LRRC53: variants seen among roughly 807,000 people sequenced by gnomAD.
The protein encoded by LRRC53 is leucine rich repeat containing 53.
LRRC53 carries 25 observed loss-of-function variants against 13.6 expected under a neutral mutation model. That is an observed-to-expected ratio of 1.83 (90% confidence interval 1.34 to 2.56). The LOEUF (loss-of-function observed/expected upper bound fraction) is 2.56, where lower values mean the gene tolerates loss of function less well. Among genes scored for constraint, LRRC53 ranks in the 30% most tolerant of loss-of-function variants. The pLI, the probability that LRRC53 is intolerant of heterozygous loss-of-function variation, is 0.00. For missense variants in LRRC53, 527 were observed against 275.8 expected (o/e 1.91, Z -6.45); for synonymous variants, 204 against 109.8 (o/e 1.86, Z -5.37).
chr1:74,499,882 G>T (rs1669519954), intron 1 of LRRC53, among the ~76,000 whole-genome samples: 1 of 151,992 alleles, frequency 6.6e-6, no homozygotes, highest in Non-Finnish European at 1.5e-5. Context: ...GTGATAAATA[G>T]TTACATCCAT....
At position 74,480,523 on chromosome 1, in the gene LRRC53, C is replaced by A. The variant is rs762541214; in HGVS notation, c.534G>T (p.Arg178=). 1 of 717,502 alleles carries A rather than the reference C, an allele frequency of 1.4e-6. No homozygotes were observed. Among genetic ancestry groups the A allele is most frequent in the Non-Finnish European group, 2.6e-6 (1 of 385,106 alleles). 44.4% of individuals were successfully genotyped at this position (717,502 alleles called of 1,614,324 possible). Residue 178 remains arginine (R), a synonymous_variant, in exon 3 of 5, where the codon CGG becomes CGT. Coordinates refer to ENST00000294635, the MANE Select transcript of LRRC53 (RefSeq NM_001382280.1). ...CCACTTCCTGTAGTTGAGGCAGGGGCCGGAAGGCATCTTTCCCAATGTAGG... is the reference window on the plus strand; with the variant it reads ...CCACTTCCTGTAGTTGAGGCAGGGGACGGAAGGCATCTTTCCCAATGTAGG... The part of the protein sequence containing the change: ...FISYIGKDAF[R]PLPQLQEVDL...
chr1:74,532,608 A>G, the LRRC53 span, among the ~76,000 whole-genome samples: 4 of 151,764 alleles, frequency 2.6e-5, no homozygotes, highest in Admixed American at 2.6e-4. Flanking sequence ...TATATCTCCT[A>G]ATGCTATCCC....
intron 1 of LRRC53, among the ~76,000 whole-genome samples, chr1:74,511,417 C>T (rs1280429320): frequency 5.9e-5 from 9 of 152,070 alleles, no homozygotes; most frequent in African/African-American, 1.2e-4. Flanking sequence ...CTCCTGGTCT[C>T]GAACTCCTGA....
At chr1:74,512,017 G>GGCAGCTTTCCTTCAT (rs1670252968) in intron 1 of LRRC53, among the ~76,000 whole-genome samples, 1 of 152,064 alleles carries the variant, frequency 6.6e-6, no homozygotes, top group Admixed American at 6.5e-5. Flanking sequence ...GAAGGAAGAG[G>GGCAGCTTTCCTTCAT]GCAGCTTTCC....
At chr1:74,489,246 G>A in intron 1 of LRRC53, 1 of 1,611,004 alleles carries the variant, frequency 6.2e-7, no homozygotes, top group Non-Finnish European at 8.5e-7. Flanking sequence ...CTGCAACATT[G>A]AGGTAAAAGC....
rs545995547 is a variant in LRRC53 at position 74,497,261 on chromosome 1, T to C, written c.-26-13886A>G. ...AGGGGACCGTGTCCATTTGCTTCAG[T>C]ATAGCAGATGTTTACCAGATAACAG... On this transcript the variant is annotated intron_variant, in intron 1 of 4. Coordinates refer to ENST00000294635, the MANE Select transcript of LRRC53 (RefSeq NM_001382280.1). Among the ~76,000 whole-genome samples the C allele has an allele frequency of 2.6e-5, 4 of 152,170 alleles. No homozygotes were observed. In the South Asian group the frequency reaches 8.3e-4, roughly 32 times the overall value.
At chr1:74,502,711 C>T (rs950919207) in intron 1 of LRRC53, among the ~76,000 whole-genome samples, 3 of 152,204 alleles carry the variant, frequency 2.0e-5, no homozygotes, top group African/African-American at 7.2e-5. Flanking sequence ...CCTTCTCACT[C>T]TAACTCTGAT....
At chr1:74,476,463 T>C (rs1401940763) in intron 3 of LRRC53, among the ~76,000 whole-genome samples, 3 of 152,178 alleles carry the variant, frequency 2.0e-5, no homozygotes, top group African/African-American at 7.2e-5. Context: ...TCGCAGACTG[T>C]CCTCCTCTGC....
chr1:74,523,641 T>TG, the LRRC53 span, among the ~76,000 whole-genome samples: 1 of 152,226 alleles, frequency 6.6e-6, no homozygotes, highest in Non-Finnish European at 1.5e-5. Context: ...GCTCCTACTG[T>TG]ATGCCAGGCC....
intron 1 of LRRC53, among the ~76,000 whole-genome samples, chr1:74,501,474 GTGTTTGTTTGTTTGTT>G (rs71588835): frequency 1.3e-5 from 2 of 149,820 alleles, no homozygotes; most frequent in Middle Eastern, 3.2e-3. Flanking sequence ...TTTTTGTTTT[GTGTTTGTTTGTTTGTT>G]TGTTTGTTTG....
At chr1:74,509,517 G>T (rs936510521) in intron 1 of LRRC53, among the ~76,000 whole-genome samples, 3 of 152,116 alleles carry the variant, frequency 2.0e-5, no homozygotes, top group Non-Finnish European at 4.4e-5. Context: ...GTCCTTTATT[G>T]TTTAGGGCAA....
the LRRC53 span, among the ~76,000 whole-genome samples, chr1:74,530,022 T>C: frequency 6.6e-6 from 1 of 152,108 alleles, no homozygotes; most frequent in Non-Finnish European, 1.5e-5. Context: ...TGGAGAACAG[T>C]GGTAGGATCA....
At chr1:74,529,305 C>A in the LRRC53 span, among the ~76,000 whole-genome samples, 30 of 152,116 alleles carry the variant, frequency 2.0e-4, no homozygotes, top group Admixed American at 1.6e-3. Flanking sequence ...AAACAACATC[C>A]CTTCTGTGAT....
the LRRC53 span, among the ~76,000 whole-genome samples, chr1:74,527,627 G>A: frequency 1.3e-5 from 2 of 152,202 alleles, no homozygotes; most frequent in Non-Finnish European, 2.9e-5. Context: ...CAGGTCATGA[G>A]GGCTTTATCA....
chr1:74,527,887 G>T, the LRRC53 span, among the ~76,000 whole-genome samples: 1 of 152,186 alleles, frequency 6.6e-6, no homozygotes, highest in Non-Finnish European at 1.5e-5. Flanking sequence ...TCTATGTGGT[G>T]GATGGGAGTG....
At chr1:74,505,571 C>T (rs894841360) in intron 1 of LRRC53, among the ~76,000 whole-genome samples, 10 of 152,030 alleles carry the variant, frequency 6.6e-5, no homozygotes, top group African/African-American at 2.2e-4. Context: ...TTTTTTTCAC[C>T]TTTAACATCT....
intron 1 of LRRC53, among the ~76,000 whole-genome samples, chr1:74,510,701 A>G (rs1211930101): frequency 6.6e-6 from 1 of 152,206 alleles, no homozygotes; most frequent in Non-Finnish European, 1.5e-5. Context: ...TAGGATCTTG[A>G]ACAGTATATA....
the LRRC53 span, among the ~76,000 whole-genome samples, chr1:74,518,016 T>A: frequency 6.6e-6 from 1 of 152,112 alleles, no homozygotes; most frequent in Non-Finnish European, 1.5e-5. Context: ...TCATTCAAAG[T>A]TTTTGAGCAA....
At chr1:74,493,095 C>T (rs1037896121) in intron 1 of LRRC53, among the ~76,000 whole-genome samples, 3 of 152,212 alleles carry the variant, frequency 2.0e-5, no homozygotes, top group Admixed American at 6.5e-5. Context: ...AATTTAGTCA[C>T]ATGGGAGGCT....
Sources: gnomAD v4.1 joint callset for allele counts (sites outside exome capture counted in the v4.1 genomes callset) on GRCh38, gnomAD v4.1.1 for gene constraint, MANE v1.5 for transcripts, NCBI Gene and HGNC (gene_info 2026-07-23, HGNC 2026-07-21) for gene names.